Variants in CNTN1 observed in about 807,000 individuals in gnomAD.
The protein encoded by CNTN1 is contactin 1, also known as contactin-1.
Under a neutral mutation model 126.4 loss-of-function variants are expected in CNTN1, and 38 were observed. The ratio of observed to expected loss-of-function variants is 0.30; its 90% CI spans 0.23 to 0.39. The LOEUF is 0.39. CNTN1 is among the 10% of genes least tolerant of loss of function. The probability of loss-of-function intolerance (pLI) is 1.00; values close to 1 mark genes in which losing one functional copy is unlikely to be tolerated. For synonymous variants in CNTN1, 413 were observed against 422.6 expected (o/e 0.98, Z 0.28); for missense variants, 1,009 against 1,248.4 (o/e 0.81, Z 2.89).
intron 1 of CNTN1, among the ~76,000 whole-genome samples, chr12:40,790,259 G>A (rs960263320): frequency 2.6e-5 from 4 of 152,006 alleles, no homozygotes; most frequent in African/African-American, 9.7e-5. Flanking sequence ...CCTCTAAAAG[G>A]CAACACAGAT....
intron 1 of CNTN1, among the ~76,000 whole-genome samples, chr12:40,816,491 G>T (rs1037221422): frequency 6.6e-6 from 1 of 151,984 alleles, no homozygotes; most frequent in African/African-American, 2.4e-5. Flanking sequence ...GGGGTCGATG[G>T]TGATGTCCCC....
chr12:40,774,821 T>G (rs1037662481), intron 1 of CNTN1, among the ~76,000 whole-genome samples: 3 of 151,526 alleles, frequency 2.0e-5, no homozygotes, highest in African/African-American at 7.2e-5. Context: ...ACTAAAATAT[T>G]TAAAAGAGAA....
chr12:40,881,250 G>A (rs1269908482), intron 1 of CNTN1, among the ~76,000 whole-genome samples: 1 of 151,856 alleles, frequency 6.6e-6, no homozygotes, highest in African/African-American at 2.4e-5. Flanking sequence ...TGAAAGGGTT[G>A]GATGAAAGAA....
At chr12:41,017,770 C>CT in intron 19 of CNTN1, among the ~76,000 whole-genome samples, 1 of 152,124 alleles carries the variant, frequency 6.6e-6, no homozygotes. Flanking sequence ...AGCTGCTATA[C>CT]TTTTGTTATT....
In CNTN1 at chr12:40,870,168, CT is replaced by C. The variant is rs1253510386; in HGVS notation, c.-76-38177del. Among the ~76,000 whole-genome samples the C allele has an allele frequency of 2.7e-3, 399 of 146,634 alleles. 2 individuals are homozygous for C. Among genetic ancestry groups the C allele is most frequent in the Admixed American group, 5.9e-3 (86 of 14,690 alleles). On this transcript the variant is annotated intron_variant, in intron 1 of 23. Coordinates refer to ENST00000551295, the MANE Select transcript of CNTN1 (RefSeq NM_001843.4). ...GTGGAACTCTAAGTCCAATAAATCT[CT>C]TTTTTTTTTTTCTAAATTGCCTAGT...
chr12:41,028,031 G>T, intron 22 of CNTN1, 62 bp downstream of exon 22: 1 of 1,218,954 alleles, frequency 8.2e-7, no homozygotes, highest in South Asian at 1.2e-5. Context: ...AACCCAAGAT[G>T]GGTTTCTTTT....
intron 1 of CNTN1, among the ~76,000 whole-genome samples, chr12:40,901,608 C>G (rs1944610275): frequency 6.6e-6 from 1 of 152,214 alleles, no homozygotes; most frequent in Admixed American, 6.5e-5. Context: ...TATTGCTCCT[C>G]TTTCATGTAT....
At chr12:40,767,320 T>TTTTA (rs1209079638) in intron 1 of CNTN1, among the ~76,000 whole-genome samples, 1 of 142,582 alleles carries the variant, frequency 7.0e-6, no homozygotes, top group Non-Finnish European at 1.5e-5. Flanking sequence ...TTTTTTTTTT[T>TTTTA]TTTTTTGAGA....
At chr12:40,744,252 A>C (rs1938076322) in intron 1 of CNTN1, among the ~76,000 whole-genome samples, 1 of 152,090 alleles carries the variant, frequency 6.6e-6, no homozygotes, top group Non-Finnish European at 1.5e-5. Context: ...TTACCTATGT[A>C]ACAAACTTGC....
chr12:40,908,093 G>A (rs1351039677), intron 1 of CNTN1, among the ~76,000 whole-genome samples: 1 of 152,204 alleles, frequency 6.6e-6, no homozygotes, highest in Non-Finnish European at 1.5e-5. Flanking sequence ...TGATTGCATT[G>A]TGTCAATACT....
intron 6 of CNTN1, among the ~76,000 whole-genome samples, chr12:40,925,181 A>G (rs1945599168): frequency 6.6e-6 from 1 of 151,804 alleles, no homozygotes; most frequent in African/African-American, 2.4e-5. Flanking sequence ...TTCAATTTTG[A>G]ATCTATGTTT....
intron 9 of CNTN1, 62 bp from the exon 10 acceptor site, chr12:40,936,719 C>G: frequency 6.3e-7 from 1 of 1,591,170 alleles, no homozygotes; most frequent in South Asian, 1.1e-5. Flanking sequence ...TATTTATACT[C>G]TGGAGATTAT....
chr12:40,928,461 C>G (rs1299368742), intron 6 of CNTN1, among the ~76,000 whole-genome samples: 1 of 151,872 alleles, frequency 6.6e-6, no homozygotes, highest in African/African-American at 2.4e-5. Flanking sequence ...GAAAAGAATT[C>G]AATTATTCAC....
intron 1 of CNTN1, among the ~76,000 whole-genome samples, chr12:40,706,767 G>C (rs572191020): frequency 2.0e-5 from 3 of 152,258 alleles, no homozygotes; most frequent in South Asian, 4.2e-4. Context: ...GATAATATAT[G>C]TGCTGTATAA....
intron 1 of CNTN1, among the ~76,000 whole-genome samples, chr12:40,829,163 A>T (rs996525016): frequency 1.3e-5 from 2 of 152,166 alleles, no homozygotes; most frequent in Non-Finnish European, 2.9e-5. Flanking sequence ...TTTCTTTAGG[A>T]TGAGAAAACA....
intron 1 of CNTN1, among the ~76,000 whole-genome samples, chr12:40,819,787 T>C (rs1250255484): frequency 6.6e-6 from 1 of 152,150 alleles, no homozygotes; most frequent in Non-Finnish European, 1.5e-5. Context: ...GACACTAGGC[T>C]CTGGTGGTGT....
At position 40,835,977 on chromosome 12, in the gene CNTN1, G is replaced by A. The variant is rs1019726261; in HGVS notation, c.-76-72380G>A. ...GAGTTTATATTTTGGTGGATGAACA[G>A]GTATATATATGTGTGTGTGTGTGTG... is the stretch of plus-strand genomic sequence containing the variant. On this transcript the variant is annotated intron_variant, in intron 1 of 23. Coordinates refer to ENST00000551295, the MANE Select transcript of CNTN1 (RefSeq NM_001843.4). Among the ~76,000 whole-genome samples the A allele has an allele frequency of 2.9e-5, 3 of 104,498 alleles. No individual in the cohort carries two copies. In the East Asian group the frequency reaches 8.4e-4, roughly 29 times the overall value. The allele number at this position is 104,498 out of a possible 152,430, so 68.6% of individuals were successfully genotyped here. A position where few individuals can be genotyped will look rare whatever the true frequency, so the allele number is the denominator to read the frequency against.
At chr12:40,767,304 C>T (rs1472484777) in intron 1 of CNTN1, among the ~76,000 whole-genome samples, 18 of 89,718 alleles carry the variant, frequency 2.0e-4, no homozygotes, top group South Asian at 8.3e-4. Flanking sequence ...CTGACCTTTC[C>T]TTTTTTTTTT....
At chr12:40,937,508 C>A (rs1258295175) in intron 10 of CNTN1, 62 bp from the exon 11 acceptor site, 12 of 1,098,044 alleles carry the variant, frequency 1.1e-5, no homozygotes, top group Non-Finnish European at 1.5e-5. Flanking sequence ...CAAACCCAGA[C>A]CTAAGTGAAA....
Sources: gnomAD v4.1 joint callset for allele counts (sites outside exome capture counted in the v4.1 genomes callset) on GRCh38, gnomAD v4.1.1 for gene constraint, MANE v1.5 for transcripts, NCBI Gene and HGNC (gene_info 2026-07-23, HGNC 2026-07-21) for gene names.